WDR86: variants seen among roughly 807,000 people sequenced by gnomAD.
WDR86 encodes WD repeat-containing protein 86.
Under a neutral mutation model 36.5 loss-of-function variants are expected in WDR86, and 30 were observed. The observed-to-expected ratio is 0.82, with a 90% CI of 0.61 to 1.11. WDR86 has a LOEUF of 1.11. WDR86 is among the 50% of genes most tolerant of loss of function. The pLI, the probability that WDR86 is intolerant of heterozygous loss-of-function variation, is 0.00. For synonymous variants in WDR86, 255 were observed against 252.9 expected (o/e 1.01, Z -0.08); for missense variants, 545 against 561.2 (o/e 0.97, Z 0.29).
chr7:151,369,012 C>T, the WDR86 span: 32 of 1,001,446 alleles, frequency 3.2e-5, no homozygotes, highest in Non-Finnish European at 3.5e-5. Context: ...GAAACTTGTC[C>T]TTTTTTTTTT....
intron 3 of WDR86, 195 bp from the exon 4 acceptor site, chr7:151,385,418 G>A: frequency 1.1e-6 from 1 of 946,146 alleles, no homozygotes. Flanking sequence ...CCTGCCCCAT[G>A]GGGCAGCCAG....
chr7:151,382,029 C>CGCAAGCAGGGATGGG (rs1221846854), intron 4 of WDR86, 48 bp from the exon 5 acceptor site: 5 of 1,524,222 alleles, frequency 3.3e-6, no homozygotes, highest in Non-Finnish European at 4.5e-6. Flanking sequence ...CTCGGCCCCC[C>CGCAAGCAGGGATGGG]GCAAGCAGGG....
rs567088669 is a variant in WDR86, at chr7:151,395,863, G to A, written c.639C>T (p.Thr213=). The A allele has an allele frequency of 4.4e-5, 70 of 1,596,086 alleles. 1 individual carries two copies. The highest frequency in any genetic ancestry group is 3.0e-4 in the East Asian group (13 of 44,040). ...TGTCCCAGGCACGGATGGTGGCGTC[G>A]GTGCTGCCTGTGAAGGCCGTGTGGC... ...TPGHTAFTGS[T]DATIRAWDIL... Residue 213 remains threonine, a synonymous_variant, in exon 3 of 6, where the codon ACC becomes ACT. Transcript: ENST00000334493.
chr7:151,381,340 A>G lies in WDR86; in HGVS notation c.*242T>C. The stretch of plus-strand genomic sequence containing the variant: ...GCCTTTCGCCAGGTCAGGGATGGGG[A>G]GGGAGGACAGGAGCCACCCTAAAAG... On this transcript the variant is annotated 3_prime_UTR_variant, in exon 6 of 6. Transcript: ENST00000334493. This position sits in a 1 kb window ranked among gnomAD's most constrained non-coding sequence, Gnocchi z 4.8. The G allele has an allele frequency of 7.2e-7, 1 of 1,387,368 alleles. No individual in the cohort carries two copies. 85.9% of individuals were successfully genotyped at this position (1,387,368 alleles called of 1,614,324 possible).
rs1563071547 is a variant in WDR86 at position 151,409,077 on chromosome 7, TAGA to T, written c.163+347_163+349del. The stretch of plus-strand genomic sequence containing the variant: ...ACCTAGAGACAAGGGAAGGTTTGCT[TAGA>T]AGGAGTATAGGTGCAACTTTTTGTT... On this transcript the variant is annotated intron_variant, in intron 1 of 5. Transcript: ENST00000334493. The surrounding 1 kb of genome is among the most constrained non-coding windows in gnomAD (Gnocchi z 5.2). 3.6e-6 allele frequency: 2 copies of T among 550,532 alleles called. No homozygotes were observed. Among genetic ancestry groups the T allele is most frequent in the Admixed American group, 2.2e-5 (1 of 44,762 alleles). The allele number at this position is 550,532 out of a possible 1,614,324, so 34.1% of individuals were successfully genotyped here.
chr7:151,391,619 G>A (rs1799446185), intron 3 of WDR86, among the ~76,000 whole-genome samples: 1 of 152,136 alleles, frequency 6.6e-6, no homozygotes, highest in South Asian at 2.1e-4. Flanking sequence ...AGATCTGGAT[G>A]GGTGGGAAAA....
chr7:151,407,267 C>T lies in WDR86; in HGVS notation c.163+2160G>A, dbSNP rs1048559547. Among the ~76,000 whole-genome samples, 10 of 152,296 alleles carry T rather than the reference C, an allele frequency of 6.6e-5. No homozygotes were observed. In the South Asian group the frequency reaches 1.0e-3, roughly 16 times the overall value. On this transcript the variant is annotated intron_variant, in intron 1 of 5. Coordinates refer to ENST00000334493, the MANE Select transcript of WDR86 (RefSeq NM_198285.3). ...TCAGTACCTCAAGGGGACAAGCAGC[C>T]GTGAGGGTCACCAAAGTGGGTGTGA...
At position 151,381,956 on chromosome 7, in the gene WDR86, G is replaced by A. The variant is rs141418523; in HGVS notation, c.888C>T (p.Cys296=). The change falls in exon 5 of 6, where the codon TGC becomes TGT. Residue 296 remains cysteine (C), a synonymous_variant. Coordinates refer to ENST00000334493, the MANE Select transcript of WDR86 (RefSeq NM_198285.3). The surrounding 1 kb of genome is among the most constrained non-coding windows in gnomAD (Gnocchi z 4.8). ...CAGACTGCGCGTCGAAGGCCCGGGC[G>A]CAAGCGTCCCCGCTGCCCGTGAACA... ...GTLFTGSGDA[C]ARAFDAQSGE... The A allele has an allele frequency of 5.0e-6, 8 of 1,606,280 alleles. No homozygotes were observed. Among genetic ancestry groups the A allele is most frequent in the East Asian group, 2.2e-5 (1 of 44,484 alleles).
chr7:151,372,138 C>T (rs577879168), downstream of WDR86, among the ~76,000 whole-genome samples: 7 of 152,340 alleles, frequency 4.6e-5, no homozygotes, highest in East Asian at 3.9e-4. Flanking sequence ...ATGGCCAGGC[C>T]GTGAGACGTA....
At chr7:151,383,916 G>A (rs919728350) in intron 4 of WDR86, among the ~76,000 whole-genome samples, 5 of 152,246 alleles carry the variant, frequency 3.3e-5, no homozygotes, top group African/African-American at 7.2e-5. Flanking sequence ...TGTTCTAGGC[G>A]GCCGCCGGCC....
In WDR86 at chr7:151,401,119, C is replaced by A. The variant is rs1425912058; in HGVS notation, c.164-878G>T. Reference sequence around the variant, plus strand: ...TCAGGTAAGACTCCTAAAAAGGGATCCTCCCTCCAGCCGGTCTTTGCTCTC... The same window carrying A: ...TCAGGTAAGACTCCTAAAAAGGGATACTCCCTCCAGCCGGTCTTTGCTCTC... On this transcript the variant is annotated intron_variant, in intron 1 of 5. Coordinates refer to ENST00000334493, the MANE Select transcript of WDR86 (RefSeq NM_198285.3). The surrounding 1 kb of genome is among the most constrained non-coding windows in gnomAD (Gnocchi z 4.3). Among the ~76,000 whole-genome samples the A allele has an allele frequency of 2.0e-5, 3 of 152,196 alleles. No homozygotes were observed. The highest frequency in any genetic ancestry group is 4.4e-5 in the Non-Finnish European group (3 of 68,034).
At chr7:151,372,883 C>T (rs1477282048), downstream of WDR86, among the ~76,000 whole-genome samples, 1 of 152,058 alleles carries the variant, frequency 6.6e-6, no homozygotes, top group African/African-American at 2.4e-5. Flanking sequence ...GCAAAGGGAG[C>T]TGGCGCTGTG....
At position 151,405,950 on chromosome 7, in the gene WDR86, G is replaced by A. The variant is rs10251838; in HGVS notation, c.163+3477C>T. Among the ~76,000 whole-genome samples the A allele has an allele frequency of 2.1e-3, 325 of 152,318 alleles. No homozygotes were observed. Among genetic ancestry groups the A allele is most frequent in the African/African-American group, 7.1e-3 (296 of 41,566 alleles). On this transcript the variant is annotated intron_variant, in intron 1 of 5. Coordinates refer to ENST00000334493, the MANE Select transcript of WDR86 (RefSeq NM_198285.3). The surrounding 1 kb of genome is among the most constrained non-coding windows in gnomAD (Gnocchi z 4.7). ...ACTCAACAGGAACAGGATAGGATAG[G>A]TACTACCATTTTGGAAAATGTCACT...
downstream of WDR86, chr7:151,376,435 A>G: frequency 1.8e-6 from 1 of 569,890 alleles, no homozygotes; most frequent in Non-Finnish European, 3.0e-6. Context: ...TCCCTGACGC[A>G]CCCGACTTGA....
chr7:151,402,796 G>A (rs546408212), intron 1 of WDR86, among the ~76,000 whole-genome samples: 6 of 152,326 alleles, frequency 3.9e-5, no homozygotes, highest in Admixed American at 3.3e-4. Context: ...CAGTTAGATA[G>A]CTTGACTATC....
At chr7:151,389,664 G>A (rs1206743239) in intron 3 of WDR86, among the ~76,000 whole-genome samples, 1 of 152,214 alleles carries the variant, frequency 6.6e-6, no homozygotes, top group East Asian at 1.9e-4. Context: ...CAGGGGCTGT[G>A]TGAAGTCCTT....
At chr7:151,395,349 T>C (rs796171036) in intron 3 of WDR86, among the ~76,000 whole-genome samples, 10 of 152,330 alleles carry the variant, frequency 6.6e-5, no homozygotes, top group African/African-American at 2.4e-4. Flanking sequence ...CACCCCAGAT[T>C]CACGTGTCGC....
chr7:151,380,364 G>A (rs185275024), downstream of WDR86, among the ~76,000 whole-genome samples: 517 of 152,338 alleles, frequency 3.4e-3, 4 homozygotes, highest in African/African-American at 0.012. Flanking sequence ...AGTATCTTCT[G>A]CATTAAGACT....
downstream of WDR86, among the ~76,000 whole-genome samples, chr7:151,371,363 A>ACCCCC (rs57489077): frequency 1.7e-5 from 2 of 118,770 alleles, no homozygotes; most frequent in Admixed American, 9.0e-5. Flanking sequence ...TTTTACCCCC[A>ACCCCC]CCCCCCACCC....
Sources: allele counts gnomAD v4.1 joint callset (sites outside exome capture counted in the v4.1 genomes callset), GRCh38; gene constraint gnomAD v4.1.1; non-coding constraint Gnocchi (gnomAD v3.1); transcripts MANE v1.5; gene names NCBI Gene and HGNC (gene_info 2026-07-23, HGNC 2026-07-21).